PAPPA2: variants seen among roughly 807,000 people sequenced by gnomAD.
PAPPA2 encodes pappalysin-2.
In PAPPA2, 86 loss-of-function variants were observed where a neutral mutation model predicts 176.4. That is an observed-to-expected ratio of 0.49 (90% confidence interval 0.41 to 0.58). The LOEUF (loss-of-function observed/expected upper bound fraction) is 0.58. Among genes scored for constraint, PAPPA2 ranks in the 20% least tolerant of loss-of-function variants. PAPPA2 has a pLI of 0.00. For synonymous variants in PAPPA2, 809 were observed against 852.2 expected (o/e 0.95, Z 0.88); for missense variants, 2,073 against 2,256.9 (o/e 0.92, Z 1.65).
intron 21 of PAPPA2, among the ~76,000 whole-genome samples, chr1:176,807,787 TG>T (rs1480525148): frequency 1.3e-5 from 2 of 152,092 alleles, no homozygotes; most frequent in African/African-American, 4.8e-5. Context: ...TGAGCCACCA[TG>T]CAAGGCCAAG....
In PAPPA2 at chr1:176,711,839, G is replaced by T; in HGVS notation, c.3656G>T (p.Cys1219Phe). Residue 1219 changes from cysteine to phenylalanine, a missense_variant, in exon 12 of 23, where the codon TGC becomes TTC. Around this residue, in one of 4 missense-constraint regions of PAPPA2, gnomAD observed 846 missense variants for 857.9 expected, o/e 0.99. Coordinates refer to ENST00000367662, the MANE Select transcript of PAPPA2 (RefSeq NM_020318.3). ...LVTGEPHSLI[C>F]TSYHPDLPNH... Reference sequence around the variant, plus strand: ...TTGGTTGAAATTGTATTTCAGATTTGCACATCATACCATCCAGATTTACCC... The same window carrying T: ...TTGGTTGAAATTGTATTTCAGATTTTCACATCATACCATCCAGATTTACCC... The T allele has an allele frequency of 1.2e-6, 2 of 1,600,604 alleles. No individual in the cohort carries two copies. Among genetic ancestry groups the T allele is most frequent in the Non-Finnish European group, 1.7e-6 (2 of 1,168,648 alleles).
intron 17 of PAPPA2, among the ~76,000 whole-genome samples, chr1:176,787,731 A>T (rs1238390534): frequency 7.4e-5 from 11 of 148,390 alleles, no homozygotes; most frequent in Non-Finnish European, 1.5e-4. Context: ...ATTACTTAAC[A>T]TCCTTTAGTG....
At chr1:176,743,507 C>T (rs1321327799) in intron 14 of PAPPA2, among the ~76,000 whole-genome samples, 1 of 152,138 alleles carries the variant, frequency 6.6e-6, no homozygotes. Context: ...CCAGCTCTGG[C>T]CACTTTAGGG....
chr1:176,786,745 G>A (rs1664951464), intron 17 of PAPPA2, among the ~76,000 whole-genome samples: 1 of 152,202 alleles, frequency 6.6e-6, no homozygotes, highest in South Asian at 2.1e-4. Flanking sequence ...GGTTTACCGT[G>A]TGTTTTGAAT....
At chr1:176,550,768 G>C (rs1443597440) in intron 1 of PAPPA2, among the ~76,000 whole-genome samples, 1 of 152,142 alleles carries the variant, frequency 6.6e-6, no homozygotes, top group Non-Finnish European at 1.5e-5. Flanking sequence ...AAGAAGATAG[G>C]GCTTGTCTTG....
intron 4 of PAPPA2, among the ~76,000 whole-genome samples, chr1:176,685,949 C>G (rs1659816451): frequency 1.3e-5 from 2 of 152,196 alleles, no homozygotes; most frequent in South Asian, 4.1e-4. Flanking sequence ...TTCCTCACCC[C>G]TACATCGATG....
At chr1:176,560,782 A>G (rs1008113962) in intron 2 of PAPPA2, among the ~76,000 whole-genome samples, 1 of 152,200 alleles carries the variant, frequency 6.6e-6, no homozygotes, top group Non-Finnish European at 1.5e-5. Context: ...TACACAAAAG[A>G]GAAGATTTTA....
intron 3 of PAPPA2, among the ~76,000 whole-genome samples, chr1:176,638,368 A>C (rs992602049): frequency 2.0e-5 from 3 of 152,024 alleles, no homozygotes; most frequent in African/African-American, 7.2e-5. Flanking sequence ...AGAAAAAAAA[A>C]CTGAGTGGCA....
At chr1:176,791,843 G>A (rs943684337) in intron 19 of PAPPA2, among the ~76,000 whole-genome samples, 16 of 152,092 alleles carry the variant, frequency 1.1e-4, no homozygotes, top group African/African-American at 3.4e-4. Flanking sequence ...CACCCAGCCC[G>A]CCCAGCTGAA....
chr1:176,784,157 G>T (rs912322096), intron 17 of PAPPA2, among the ~76,000 whole-genome samples: 7 of 152,190 alleles, frequency 4.6e-5, no homozygotes, highest in Admixed American at 1.3e-4. Flanking sequence ...TTTACATGGA[G>T]GGTACTTGGC....
At chr1:176,786,980 C>T (rs1029751095) in intron 17 of PAPPA2, among the ~76,000 whole-genome samples, 1 of 152,088 alleles carries the variant, frequency 6.6e-6, no homozygotes, top group African/African-American at 2.4e-5. Flanking sequence ...GGATACTATG[C>T]TTATTACCTG....
chr1:176,834,339 T>C (rs1302324151), intron 21 of PAPPA2, among the ~76,000 whole-genome samples: 1 of 152,194 alleles, frequency 6.6e-6, no homozygotes, highest in Non-Finnish European at 1.5e-5. Context: ...TCTATTTGAA[T>C]TTTACATATT....
chr1:176,783,061 C>T (rs1664790392), intron 17 of PAPPA2, among the ~76,000 whole-genome samples: 1 of 152,076 alleles, frequency 6.6e-6, no homozygotes. Flanking sequence ...AGCAACAGGG[C>T]AGATGATAGT....
In PAPPA2 at chr1:176,594,968, TC is replaced by T. The variant is rs1388737354; in HGVS notation, c.1366del (p.Leu456Ter). ...SSGEEEATDL[V>X]LTASFEPVNT... ...GGGGAGGAGGAAGCGACTGACTTGG[TC>T]CTGACAGCGAGCTTTGAGCCTGTGA... On this transcript the variant is annotated frameshift_variant, in exon 3 of 23. Coordinates refer to ENST00000367662, the MANE Select transcript of PAPPA2 (RefSeq NM_020318.3). LOFTEE classifies it high-confidence loss of function. The T allele has an allele frequency of 6.2e-7, 1 of 1,614,198 alleles. No homozygotes were observed. The highest frequency in any genetic ancestry group is 1.7e-5 in the Admixed American group (1 of 60,026).
At chr1:176,510,015 C>G (rs981667021) in intron 1 of PAPPA2, among the ~76,000 whole-genome samples, 3 of 152,062 alleles carry the variant, frequency 2.0e-5, no homozygotes, top group African/African-American at 4.8e-5. Flanking sequence ...GCCTGGGTGA[C>G]AGAGTGAGAA....
intron 12 of PAPPA2, among the ~76,000 whole-genome samples, chr1:176,737,925 T>G (rs1662492737): frequency 6.6e-6 from 1 of 152,108 alleles, no homozygotes; most frequent in Admixed American, 6.6e-5. Flanking sequence ...GCCACCCTAC[T>G]CTTCATGCCT....
chr1:176,842,429 A>G lies in PAPPA2; in HGVS notation c.5351A>G (p.Asp1784Gly). ...DCDLDECTCR[D>G]PKAEENQ ...GACCTGGATGAGTGCACCTGCCGGG[A>G]CCCCAAGGCAGAAGAAAATCAGTAA... The change falls in exon 23 of 23, where the codon GAC becomes GGC. Residue 1784 changes from aspartate to glycine, a missense_variant. Physicochemically the swap from Asp to Gly is moderately conservative, Grantham distance 94. Around this residue, in one of 4 missense-constraint regions of PAPPA2, gnomAD observed 27 missense variants for 52.1 expected, o/e 0.52. Transcript: ENST00000367662. 1 of 1,613,284 alleles carries G rather than the reference A, an allele frequency of 6.2e-7. No homozygotes were observed.
intron 3 of PAPPA2, among the ~76,000 whole-genome samples, chr1:176,665,270 G>A (rs1030494738): frequency 5.9e-5 from 9 of 151,990 alleles, no homozygotes; most frequent in African/African-American, 2.2e-4. Context: ...TCTCCAGAAG[G>A]GTGTGCCTTT....
chr1:176,569,495 A>T (rs150698828), intron 2 of PAPPA2, among the ~76,000 whole-genome samples: 45 of 152,338 alleles, frequency 3.0e-4, no homozygotes, highest in Non-Finnish European at 1.3e-4. Flanking sequence ...ACTGTGCCTT[A>T]TCAAGACACT....
Sources: gnomAD v4.1 joint callset for allele counts (sites outside exome capture counted in the v4.1 genomes callset) on GRCh38, gnomAD v4.1.1 for gene constraint, gnomAD v4.1.1 regional missense constraint, MANE v1.5 for transcripts, NCBI Gene and HGNC (gene_info 2026-07-23, HGNC 2026-07-21) for gene names.